The following PRAMEF18 variants were observed in gnomAD, a reference collection of about 807,000 sequenced individuals.
PRAMEF18 encodes the protein PRAME family member-like.
Under a neutral mutation model 23.7 loss-of-function variants are expected in PRAMEF18, and 15 were observed. The observed-to-expected ratio is 0.63, with a 90% CI of 0.42 to 0.97. The LOEUF (loss-of-function observed/expected upper bound fraction) is 0.97, where lower values mean the gene tolerates loss of function less well. PRAMEF18 is among the 50% of genes least tolerant of loss of function. PRAMEF18 has a pLI of 0.00. For synonymous variants in PRAMEF18, 78 were observed against 159.9 expected, an observed-to-expected ratio of 0.49 and a Z score of 3.86; for missense variants, 223 against 418.6, an observed-to-expected ratio of 0.53 and a Z score of 4.08.
exon 2 of PRAMEF18, chr1:13,224,972 T>C: frequency 1.2e-6 from 2 of 1,614,138 alleles, no homozygotes; most frequent in Non-Finnish European, 8.5e-7. Context: ...TTCTTGGCTG[T>C]CAGAGCTTAG....
chr1:13,225,065 C>A lies in PRAMEF18; in HGVS notation c.656G>T (p.Cys219Phe), dbSNP rs756132498. 6 of 1,614,050 alleles carry A rather than the reference C, an allele frequency of 3.7e-6. No homozygotes were observed. In the African/African-American group the frequency reaches 6.7e-5, roughly 18 times the overall value. ...GTAACGGCTAAACTCTACTATCATA[C>A]ACAGCCAGCACATGTTCCAAATTTC... The change falls in exon 2 of 3, where the codon TGT becomes TTT. Residue 219 changes from cysteine to phenylalanine, a missense_variant. Around this residue, in one of 6 missense-constraint regions of PRAMEF18, gnomAD observed 160 missense variants for 130.8 expected, o/e 1.22. Coordinates refer to ENST00000624297, the Ensembl canonical transcript of PRAMEF18.
At chr1:13,224,892 C>A (rs1638819318) in exon 2 of PRAMEF18, 6 of 1,613,936 alleles carry the variant, frequency 3.7e-6, no homozygotes, top group South Asian at 1.1e-5. Context: ...AAGAAGCAGA[C>A]CCTTCTTACA....
chr1:13,224,624 A>C, intron 2 of PRAMEF18: 1 of 799,300 alleles, frequency 1.3e-6, no homozygotes, highest in East Asian at 2.7e-5. Flanking sequence ...CCAGCTCCCT[A>C]CACGATGTCC....
rs1569663287 is a variant in PRAMEF18 at position 13,224,738 on chromosome 1, T to C, written c.866+117A>G. The C allele has an allele frequency of 5.8e-5, 91 of 1,565,924 alleles. No individual in the cohort carries two copies. The South Asian group carries it at 7.8e-4, about 13-fold the overall frequency. On this transcript the variant is annotated intron_variant, in intron 2 of 2. Transcript: ENST00000624297. The stretch of plus-strand genomic sequence containing the variant: ...CACCAAACAGGACAATGCATTCTAG[T>C]GTCCCCTTCCCTAGACATCTCCAGT...
rs2100398651 is a variant in PRAMEF18, at chr1:13,225,040, G to T, written c.681C>A (p.Tyr227Ter). The T allele has an allele frequency of 1.9e-6, 3 of 1,614,180 alleles. No individual in the cohort carries two copies. Among genetic ancestry groups the T allele is most frequent in the Non-Finnish European group, 2.5e-6 (3 of 1,179,976 alleles). Residue 227 changes from tyrosine (Y) to a stop codon, truncating the protein, a stop_gained, in exon 2 of 3, where the codon TAC becomes TAA. Transcript: ENST00000624297. LOFTEE classifies it high-confidence loss of function. ...TGCGAAGATTCCTCATCTGGCTCAGGTAACGGCTAAACTCTACTATCATAC... is the reference window on the plus strand; with the variant it reads ...TGCGAAGATTCCTCATCTGGCTCAGTTAACGGCTAAACTCTACTATCATAC...
intron 1 of PRAMEF18, 141 bp downstream of exon 1, chr1:13,225,679 G>A (rs1475693426): frequency 7.0e-7 from 1 of 1,432,482 alleles, no homozygotes; most frequent in East Asian, 2.3e-5. Flanking sequence ...TTTCCCAGAG[G>A]AGCTGGGCAA....
At chr1:13,223,782 A>G in exon 3 of PRAMEF18, 1 of 274,326 alleles carries the variant, frequency 3.6e-6, no homozygotes, top group Non-Finnish European at 6.1e-6. Context: ...AGCGCAGTGC[A>G]CCATGACTCA....
exon 2 of PRAMEF18, chr1:13,224,900 A>G (rs1458310060): frequency 6.2e-7 from 1 of 1,614,072 alleles, no homozygotes; most frequent in Non-Finnish European, 8.5e-7. Flanking sequence ...GACCCTTCTT[A>G]CATAAAGCAT....
intron 2 of PRAMEF18, chr1:13,224,333 C>T (rs1241731218): frequency 9.3e-6 from 2 of 215,204 alleles, no homozygotes; most frequent in Admixed American, 5.7e-5. Context: ...CGTGCCTATT[C>T]CCTCACCTCC....
At chr1:13,225,047 C>A (rs878862357) in exon 2 of PRAMEF18, 195,117 of 1,600,872 alleles carry the variant, frequency 0.12, 22 homozygotes, top group African/African-American at 0.26. Context: ...CAGGTAACGG[C>A]TAAACTCTAC....
Position 13,224,748 on chromosome 1 carries a change from C to T in PRAMEF18, c.866+107G>A, listed in dbSNP as rs1213005329. 3.7e-5 allele frequency: 58 copies of T among 1,586,630 alleles called. No homozygotes were observed. The Admixed American group carries it at 1.0e-3, about 27-fold the overall frequency. On this transcript the variant is annotated intron_variant, in intron 2 of 2. Coordinates refer to ENST00000624297, the Ensembl canonical transcript of PRAMEF18. ...GACAATGCATTCTAGTGTCCCCTTC[C>T]CTAGACATCTCCAGTGGCTGGCACA... is the stretch of plus-strand genomic sequence containing the variant.
At chr1:13,224,821 T>A in intron 2 of PRAMEF18, 34 bp downstream of exon 2, 3 of 1,613,574 alleles carry the variant, frequency 1.9e-6, no homozygotes, top group Non-Finnish European at 2.5e-6. Flanking sequence ...GGCTGTGCTA[T>A]GGCCCCCAGA....
At chr1:13,224,546 T>C in intron 2 of PRAMEF18, 1 of 552,530 alleles carries the variant, frequency 1.8e-6, no homozygotes, top group South Asian at 2.5e-5. Flanking sequence ...ATATTAACTT[T>C]AAACACACTT....
chr1:13,224,999 T>A (rs1638822379), exon 2 of PRAMEF18: 1 of 1,614,030 alleles, frequency 6.2e-7, no homozygotes, highest in African/African-American at 1.3e-5. Flanking sequence ...ACGACAGCCA[T>A]CAGAGATGAA....
chr1:13,224,743 C>A (rs1313481053), intron 2 of PRAMEF18, 112 bp downstream of exon 2: 48 of 1,577,714 alleles, frequency 3.0e-5, no homozygotes, highest in Non-Finnish European at 3.7e-5. Context: ...TCTAGTGTCC[C>A]CTTCCCTAGA....
rs200525986 is a variant in PRAMEF18, at chr1:13,225,070, C to T, written c.651G>A (p.Trp217Ter). 7.3e-5 allele frequency: 118 copies of T among 1,614,100 alleles called. No individual in the cohort carries two copies. The African/African-American group carries it at 1.4e-3, about 19-fold the overall frequency. ...GGCTAAACTCTACTATCATACACAGCCAGCACATGTTCCAAATTTCCAACA... is the reference window on the plus strand; with the variant it reads ...GGCTAAACTCTACTATCATACACAGTCAGCACATGTTCCAAATTTCCAACA... Residue 217 changes from tryptophan to a stop codon, truncating the protein, a stop_gained, in exon 2 of 3, where the codon TGG becomes TGA. Coordinates refer to ENST00000624297, the Ensembl canonical transcript of PRAMEF18. LOFTEE classifies it high-confidence loss of function.
At chr1:13,224,857 G>A in exon 2 of PRAMEF18, 1 of 1,613,976 alleles carries the variant, frequency 6.2e-7, no homozygotes, top group Non-Finnish European at 8.5e-7. Context: ...TTCCTCACCT[G>A]ATCAGCTGGT....
chr1:13,224,936 A>T (rs1553188508), exon 2 of PRAMEF18: 3 of 1,613,960 alleles, frequency 1.9e-6, no homozygotes, highest in Non-Finnish European at 2.5e-6. Context: ...CCTGAGGAGC[A>T]CAGAGCTGAA....
Position 13,223,401 on chromosome 1 carries a change from G to T in PRAMEF18, c.1371C>A (p.Cys457Ter), listed in dbSNP as rs1226410253. The change falls in exon 3 of 3, where the codon TGC becomes TGA. Residue 457 changes from cysteine to a stop codon, truncating the protein, a stop_gained. Coordinates refer to ENST00000624297, the Ensembl canonical transcript of PRAMEF18. LOFTEE classifies it low-confidence loss of function (END_TRUNC). ...CAGTGGGCGACGTGCCACAGCAAGG[G>T]CAGGACACCGGACCAAAGAAGATCC... 56 of 1,267,086 alleles carry T rather than the reference G, an allele frequency of 4.4e-5. 15 individuals carry two copies. Among genetic ancestry groups the T allele is most frequent in the Non-Finnish European group, 5.6e-5 (55 of 976,820 alleles). The allele number at this position is 1,267,086 out of a possible 1,614,324, so 78.5% of individuals were successfully genotyped here. A position where few individuals can be genotyped will look rare whatever the true frequency, so the allele number is the denominator to read the frequency against.
Sources: gnomAD v4.1 joint callset for allele counts on GRCh38, gnomAD v4.1.1 for gene constraint, gnomAD v4.1.1 regional missense constraint, MANE v1.5 for transcripts, NCBI Gene and HGNC (gene_info 2026-07-23, HGNC 2026-07-21) for gene names.